The following LIX1 variants were observed in gnomAD, a reference collection of about 807,000 sequenced individuals.
LIX1 encodes limb and CNS expressed 1.
LIX1 carries 24 observed loss-of-function variants against 33.4 expected under a neutral mutation model. That is an observed-to-expected ratio of 0.72 (90% CI 0.52 to 1.01). The LOEUF is 1.01. LIX1 is among the 50% of genes least tolerant of loss of function. The pLI, the probability that LIX1 is intolerant of heterozygous loss-of-function variation, is 0.00. For synonymous variants in LIX1, 124 were observed against 124.0 expected, an observed-to-expected ratio of 1.00 and a Z score of 0.00; for missense variants, 311 against 339.2, an observed-to-expected ratio of 0.92 and a Z score of 0.65.
rs1746294229 is a variant in LIX1 at position 97,094,933 on chromosome 5, A to C, written c.664T>G (p.Ser222Ala). 1 of 1,614,158 alleles carries C rather than the reference A, an allele frequency of 6.2e-7. No homozygotes were observed. Among genetic ancestry groups the C allele is most frequent in the Non-Finnish European group, 8.5e-7 (1 of 1,180,022 alleles). Reference sequence around the variant, plus strand: ...CTCAGGGCCATTCGTAGCTCTTGAGAGACAATTCCTGGTGAGTCCCGCTCC... The same window carrying C: ...CTCAGGGCCATTCGTAGCTCTTGAGCGACAATTCCTGGTGAGTCCCGCTCC... ...MKERDSPGIV[S>A]QELRMALRQL... The change falls in exon 6 of 6, where the codon TCT (serine) becomes GCT (alanine). Residue 222 changes from serine (S) to alanine (A), a missense_variant. Ser to Ala is a moderately conservative substitution (Grantham distance 99). Coordinates refer to ENST00000274382, the MANE Select transcript of LIX1 (RefSeq NM_153234.5).
At chr5:97,128,669 A>C (rs1000261441) in intron 1 of LIX1, among the ~76,000 whole-genome samples, 10 of 152,322 alleles carry the variant, frequency 6.6e-5, no homozygotes, top group African/African-American at 1.9e-4. Flanking sequence ...GGGTTACAAA[A>C]AAAAAGTGAT....
At chr5:97,129,422 T>TA (rs1437728103) in intron 1 of LIX1, among the ~76,000 whole-genome samples, 3 of 152,316 alleles carry the variant, frequency 2.0e-5, no homozygotes, top group African/African-American at 7.2e-5. Context: ...TGGTGCATGT[T>TA]AAAATTTGAG....
rs1746149757 is a variant in LIX1 at position 97,092,968 on chromosome 5, C to CT, written c.*1779dup. 3 of 152,250 alleles carry CT rather than the reference C, an allele frequency of 2.0e-5. No homozygotes were observed. The highest frequency in any genetic ancestry group is 1.3e-4 in the Admixed American group (2 of 15,278). 9.4% of individuals were successfully genotyped at this position (152,250 alleles called of 1,614,324 possible). ...TTCAGGAATATAAGGGAATAAAGTT[C>CT]TTTCGTGGGTGACATTTAGCCTCAT... is the stretch of plus-strand genomic sequence containing the variant. On this transcript the variant is annotated 3_prime_UTR_variant, in exon 6 of 6. Transcript: ENST00000274382.
intron 2 of LIX1, among the ~76,000 whole-genome samples, chr5:97,112,414 G>GTATGATGT (rs1747448069): frequency 6.6e-6 from 1 of 152,200 alleles, no homozygotes; most frequent in Non-Finnish European, 1.5e-5. Flanking sequence ...AGCGAGTGAA[G>GTATGATGT]TATGATGTTA....
rs879931334 is a variant in LIX1 at position 97,095,533 on chromosome 5, G to A, written c.562-498C>T. Among the ~76,000 whole-genome samples, 6 of 152,270 alleles carry A rather than the reference G, an allele frequency of 3.9e-5. No individual in the cohort carries two copies. The East Asian group carries it at 9.7e-4, about 25-fold the overall frequency. ...TCTCAGAGTATCATTTAGAAACCAG[G>A]AGAATCAACTGTGGTATTAGCACAA... On this transcript the variant is annotated intron_variant, in intron 5 of 5. Transcript: ENST00000274382.
chr5:97,096,684 C>T (rs1746391129), intron 5 of LIX1, 126 bp downstream of exon 5: 1 of 684,040 alleles, frequency 1.5e-6, no homozygotes, highest in Non-Finnish European at 2.6e-6. Context: ...GTGTCCTCTG[C>T]TCTTAATAAA....
At chr5:97,119,867 A>G (rs1035495931) in intron 2 of LIX1, among the ~76,000 whole-genome samples, 1 of 152,148 alleles carries the variant, frequency 6.6e-6, no homozygotes. Flanking sequence ...AAACAAAAAC[A>G]AAAACAATAA....
chr5:97,110,123 T>C (rs1747299787), intron 2 of LIX1, among the ~76,000 whole-genome samples: 2 of 152,244 alleles, frequency 1.3e-5, no homozygotes, highest in South Asian at 2.1e-4. Context: ...CTGGATCAAA[T>C]GGTAGTTCTA....
intron 1 of LIX1, among the ~76,000 whole-genome samples, chr5:97,125,227 G>T (rs1468754844): frequency 1.3e-5 from 2 of 152,202 alleles, no homozygotes; most frequent in African/African-American, 4.8e-5. Context: ...TTAAGAACAA[G>T]GTCTGTTCGA....
chr5:97,109,616 T>C (rs1165848600), intron 2 of LIX1, among the ~76,000 whole-genome samples: 2 of 152,132 alleles, frequency 1.3e-5, no homozygotes, highest in African/African-American at 4.8e-5. Context: ...CAGGTGCTTT[T>C]AGGTTATGTG....
chr5:97,115,624 A>G (rs1305247704), intron 2 of LIX1, among the ~76,000 whole-genome samples: 1 of 152,198 alleles, frequency 6.6e-6, no homozygotes, highest in African/African-American at 2.4e-5. Context: ...TTATTCACAC[A>G]TGTGTTTTAA....
chr5:97,115,287 C>T (rs1274035138), intron 2 of LIX1, among the ~76,000 whole-genome samples: 3 of 152,012 alleles, frequency 2.0e-5, no homozygotes, highest in Non-Finnish European at 2.9e-5. Flanking sequence ...ATAGAAATTC[C>T]TAATAAGAAA....
At chr5:97,122,089 CA>C (rs1189075130) in intron 2 of LIX1, among the ~76,000 whole-genome samples, 1 of 152,148 alleles carries the variant, frequency 6.6e-6, no homozygotes, top group Non-Finnish European at 1.5e-5. Flanking sequence ...CTTCTATACC[CA>C]CATTCAAATC....
chr5:97,122,022 C>T (rs566873634), intron 2 of LIX1, among the ~76,000 whole-genome samples: 5 of 152,242 alleles, frequency 3.3e-5, no homozygotes, highest in East Asian at 1.9e-4. Context: ...CTTTCCCCTT[C>T]GCTGCCTCTC....
intron 4 of LIX1, among the ~76,000 whole-genome samples, chr5:97,104,671 T>A (rs1037275267): frequency 2.4e-4 from 37 of 152,248 alleles, no homozygotes; most frequent in African/African-American, 8.7e-4. Flanking sequence ...CCTCAACTCT[T>A]GTTATCATTT....
intron 1 of LIX1, among the ~76,000 whole-genome samples, chr5:97,138,417 A>G (rs1260215127): frequency 6.6e-6 from 1 of 152,238 alleles, no homozygotes; most frequent in Non-Finnish European, 1.5e-5. Context: ...CTTGCTAAGA[A>G]AAAGCTGCAG....
At chr5:97,128,781 T>C (rs1747989686) in intron 1 of LIX1, among the ~76,000 whole-genome samples, 1 of 152,222 alleles carries the variant, frequency 6.6e-6, no homozygotes, top group Non-Finnish European at 1.5e-5. Flanking sequence ...GTCAGTTTCA[T>C]ATCCTGATGT....
intron 5 of LIX1, 44 bp downstream of exon 5, chr5:97,096,766 T>G: frequency 1.1e-5 from 15 of 1,347,260 alleles, no homozygotes; most frequent in Non-Finnish European, 1.6e-5. Flanking sequence ...AGCCACCTGC[T>G]GAGTTCATAT....
intron 1 of LIX1, among the ~76,000 whole-genome samples, chr5:97,140,305 C>T (rs1269900121): frequency 6.6e-6 from 1 of 152,152 alleles, no homozygotes; most frequent in African/African-American, 2.4e-5. Flanking sequence ...CTTGGATCAG[C>T]TTTCATCTTG....
Sources: allele counts gnomAD v4.1 joint callset (sites outside exome capture counted in the v4.1 genomes callset), GRCh38; gene constraint gnomAD v4.1.1; transcripts MANE v1.5; gene names NCBI Gene and HGNC (gene_info 2026-07-23, HGNC 2026-07-21).